GALNS: variants seen among roughly 807,000 people sequenced by gnomAD.
GALNS encodes N-acetylgalactosamine-6-sulfatase.
GALNS carries 65 observed loss-of-function variants against 65.9 expected under a neutral mutation model. That is an observed-to-expected ratio of 0.99 (90% CI 0.81 to 1.21). The LOEUF (loss-of-function observed/expected upper bound fraction) is 1.21, where lower values mean the gene tolerates loss of function less well. Ranked by LOEUF, GALNS falls within the 50% of genes most tolerant of loss-of-function variation. The pLI is 0.00. For missense variants in GALNS, 776 were observed against 700.7 expected (o/e 1.11, Z -1.21); for synonymous variants, 346 against 288.9 (o/e 1.20, Z -2.00).
intron 4 of GALNS, among the ~76,000 whole-genome samples, chr16:88,838,344 C>G (rs1881133110): frequency 6.6e-6 from 1 of 152,142 alleles, no homozygotes; most frequent in African/African-American, 2.4e-5. Flanking sequence ...ACCCACATCC[C>G]CAGGACCCTG....
At chr16:88,825,535 G>T (rs986190412) in intron 10 of GALNS, among the ~76,000 whole-genome samples, 1 of 84,464 alleles carries the variant, frequency 1.2e-5, no homozygotes, top group Non-Finnish European at 3.0e-5. Flanking sequence ...CTGGGCAGCC[G>T]GGGCTGGGGT....
intron 1 of GALNS, chr16:88,843,847 A>C (rs1351279160): frequency 1.3e-5 from 2 of 153,438 alleles, no homozygotes; most frequent in Non-Finnish European, 2.9e-5. Flanking sequence ...AGGGCACCCC[A>C]CACCGCGCAC....
intron 5 of GALNS, 109 bp downstream of exon 5, chr16:88,837,513 C>T (rs545307292): frequency 4.3e-6 from 5 of 1,167,848 alleles, no homozygotes; most frequent in Non-Finnish European, 5.0e-6. Flanking sequence ...CAGGGACAGA[C>T]CAGCCCTCAT....
At chr16:88,816,126 A>G (rs981963780) in intron 13 of GALNS, 5 of 985,196 alleles carry the variant, frequency 5.1e-6, no homozygotes, top group African/African-American at 1.7e-5. Flanking sequence ...CTGAGTTGGC[A>G]CTTTTCCCCC....
At position 88,846,660 on chromosome 16, in the gene GALNS, A is replaced by G. The variant is rs985924745; in HGVS notation, c.121-3831T>C. Among the ~76,000 whole-genome samples the G allele has an allele frequency of 2.6e-5, 4 of 152,026 alleles. No homozygotes were observed. In the East Asian group the frequency reaches 7.7e-4, roughly 29 times the overall value. On this transcript the variant is annotated intron_variant, in intron 1 of 13. Coordinates refer to ENST00000268695, the MANE Select transcript of GALNS (RefSeq NM_000512.5). ...GGGTTCAAGCGATTACTCCTGCCTCAGCCTCCCAAGTAGCTGGGATTATAG... is the reference window on the plus strand; with the variant it reads ...GGGTTCAAGCGATTACTCCTGCCTCGGCCTCCCAAGTAGCTGGGATTATAG...
intron 5 of GALNS, among the ~76,000 whole-genome samples, chr16:88,837,251 C>T (rs1912237036): frequency 1.3e-5 from 2 of 152,310 alleles, no homozygotes; most frequent in South Asian, 4.1e-4. Context: ...CATCCCACCT[C>T]CTGTCCTGCC....
intron 12 of GALNS, among the ~76,000 whole-genome samples, chr16:88,819,033 C>T (rs963952432): frequency 2.1e-4 from 32 of 152,346 alleles, no homozygotes; most frequent in African/African-American, 7.5e-4. Flanking sequence ...AGGCCCAGTA[C>T]CTTCTGGGAG....
intron 1 of GALNS, among the ~76,000 whole-genome samples, chr16:88,852,359 C>T (rs1039566037): frequency 7.2e-5 from 11 of 152,188 alleles, no homozygotes; most frequent in African/African-American, 1.7e-4. Flanking sequence ...AGGACATCTA[C>T]GCCAAAACCC....
intron 1 of GALNS, among the ~76,000 whole-genome samples, chr16:88,854,892 T>C (rs1413658133): frequency 6.6e-6 from 1 of 152,102 alleles, no homozygotes; most frequent in Admixed American, 6.6e-5. Flanking sequence ...TCCTCTGGGG[T>C]TCTTTAGGCG....
At chr16:88,822,529 G>A (rs1320799536) in intron 12 of GALNS, 60 bp downstream of exon 12, 3 of 1,605,282 alleles carry the variant, frequency 1.9e-6, no homozygotes, top group African/African-American at 2.7e-5. Flanking sequence ...TGTGGAGCCT[G>A]CATTTGGGGG....
At chr16:88,822,909 AG>A in intron 11 of GALNS, among the ~76,000 whole-genome samples, 199 bp from the exon 12 acceptor site, 2 of 152,290 alleles carry the variant, frequency 1.3e-5, no homozygotes, top group East Asian at 3.9e-4. Context: ...AGCATGGTGC[AG>A]GGCGCTGGCT....
Position 88,832,115 on chromosome 16 carries a change from G to T in GALNS, c.899-14C>A, listed in dbSNP as rs771269427. The T allele has an allele frequency of 1.2e-6, 2 of 1,608,934 alleles. No homozygotes were observed. The highest frequency in any genetic ancestry group is 8.5e-7 in the Non-Finnish European group (1 of 1,176,150). ...CGTTGCTGCCACCTGGGAGAGAGGGGCCCTTGTCAGGCCACTGGGACCAGA... is the reference window on the plus strand; with the variant it reads ...CGTTGCTGCCACCTGGGAGAGAGGGTCCCTTGTCAGGCCACTGGGACCAGA... On this transcript the variant is annotated splice_polypyrimidine_tract_variant and intron_variant, in intron 8 of 13. Transcript: ENST00000268695.
At chr16:88,820,254 G>T (rs1015253596) in intron 12 of GALNS, among the ~76,000 whole-genome samples, 5 of 151,992 alleles carry the variant, frequency 3.3e-5, no homozygotes, top group Non-Finnish European at 7.4e-5. Flanking sequence ...TCACCTTCTC[G>T]AGTAGCTGGG....
chr16:88,814,279 G>T lies in GALNS; in HGVS notation c.*160C>A. On this transcript the variant is annotated 3_prime_UTR_variant, in exon 14 of 14. Transcript: ENST00000268695. ...GAGGGCCAAGCACACGCCAGGGTCA[G>T]GTCCTGGGCAGGTGGAATTGTGCAG... 1.0e-6 allele frequency: 1 copy of T among 977,448 alleles called. No individual in the cohort carries two copies. The highest frequency in any genetic ancestry group is 1.6e-6 in the Non-Finnish European group (1 of 634,346). The allele number at this position is 977,448 out of a possible 1,614,324, so 60.5% of individuals were successfully genotyped here.
At chr16:88,852,780 G>T (rs1274074815) in intron 1 of GALNS, among the ~76,000 whole-genome samples, 11 of 152,208 alleles carry the variant, frequency 7.2e-5, no homozygotes, top group Admixed American at 7.2e-4. Context: ...GGAAGAAAGG[G>T]TATCAGTGAT....
chr16:88,847,903 C>G (rs970391382), intron 1 of GALNS, among the ~76,000 whole-genome samples: 3 of 152,236 alleles, frequency 2.0e-5, no homozygotes, highest in African/African-American at 7.2e-5. Flanking sequence ...GAACCAACAC[C>G]CACAGCGGCT....
intron 1 of GALNS, among the ~76,000 whole-genome samples, chr16:88,847,592 G>GC (rs1162602657): frequency 2.6e-5 from 4 of 152,224 alleles, no homozygotes; most frequent in African/African-American, 7.2e-5. Context: ...AAGACAGGCT[G>GC]CATGGGCCCT....
chr16:88,839,900 G>C (rs1411453666), intron 4 of GALNS, among the ~76,000 whole-genome samples: 2 of 152,266 alleles, frequency 1.3e-5, no homozygotes, highest in Admixed American at 1.3e-4. Context: ...GCCAGGCGGA[G>C]AGCTCTGGGT....
intron 2 of GALNS, 147 bp from the exon 3 acceptor site, chr16:88,842,118 G>A (rs533849211): frequency 7.2e-5 from 54 of 750,568 alleles, no homozygotes; most frequent in Middle Eastern, 6.9e-4. Flanking sequence ...GTCAATCCCC[G>A]TTAGCGTCTC....
Sources: allele counts gnomAD v4.1 joint callset (sites outside exome capture counted in the v4.1 genomes callset), GRCh38; gene constraint gnomAD v4.1.1; transcripts MANE v1.5; gene names NCBI Gene and HGNC (gene_info 2026-07-23, HGNC 2026-07-21).